CATSPERD: variants seen among roughly 807,000 people sequenced by gnomAD.
CATSPERD encodes cation channel sperm-associated auxiliary subunit delta.
Under a neutral mutation model 98.1 loss-of-function variants are expected in CATSPERD, and 86 were observed. The ratio of observed to expected loss-of-function variants is 0.88; its 90% CI spans 0.74 to 1.05. CATSPERD has a LOEUF of 1.05. Among genes scored for constraint, CATSPERD ranks in the 50% least tolerant of loss-of-function variants. The pLI, the probability that CATSPERD is intolerant of heterozygous loss-of-function variation, is 0.00. For synonymous variants in CATSPERD, 394 were observed against 390.2 expected (o/e 1.01, Z -0.12); for missense variants, 995 against 1,005.7 (o/e 0.99, Z 0.14).
chr19:5,751,936 G>A (rs2056229531), intron 12 of CATSPERD, 113 bp downstream of exon 12: 3 of 1,029,182 alleles, frequency 2.9e-6, no homozygotes, highest in South Asian at 3.9e-5. Context: ...GCTGAGGCTG[G>A]AGGGTTGTTT....
At chr19:5,742,040 AAAAAAAAAAAGAACAAAC>A (rs930410567) in intron 7 of CATSPERD, among the ~76,000 whole-genome samples, 2 of 145,846 alleles carry the variant, frequency 1.4e-5, no homozygotes, top group Admixed American at 6.9e-5. Context: ...TGTCTCAAGG[AAAAAAAAAAAGAACAAAC>A]AAAAAAAACA....
intron 8 of CATSPERD, among the ~76,000 whole-genome samples, chr19:5,745,307 A>G (rs536824771): frequency 2.0e-5 from 3 of 152,100 alleles, no homozygotes; most frequent in Non-Finnish European, 4.4e-5. Context: ...GAGATAGTTT[A>G]CATTTTTCTG....
rs1206869896 is a variant in CATSPERD, at chr19:5,745,894, T to C, written c.658-19T>C. The C allele has an allele frequency of 2.5e-6, 4 of 1,613,528 alleles. No individual in the cohort carries two copies. The highest frequency in any genetic ancestry group is 2.2e-5 in the South Asian group (2 of 91,004). Reference sequence around the variant, plus strand: ...CAGTAGGGTTTGGGGAGAGGCTGAATGGTGTCTTTTTCTCCCAGGGCATGT... The same window carrying C: ...CAGTAGGGTTTGGGGAGAGGCTGAACGGTGTCTTTTTCTCCCAGGGCATGT... On this transcript the variant is annotated intron_variant, in intron 8 of 21. Coordinates refer to ENST00000381624, the MANE Select transcript of CATSPERD (RefSeq NM_152784.4).
chr19:5,728,356 C>CAAAAAAAAAAAAAAAAAAGAAAAAAA (rs2055648817), intron 3 of CATSPERD, among the ~76,000 whole-genome samples: 1 of 80,946 alleles, frequency 1.2e-5, no homozygotes, highest in Non-Finnish European at 2.4e-5. Context: ...GACTCTGTCT[C>CAAAAAAAAAAAAAAAAAAGAAAAAAA]AAAAAAAAAA....
intron 20 of CATSPERD, 49 bp from the exon 21 acceptor site, chr19:5,776,112 C>T: frequency 6.3e-7 from 1 of 1,590,642 alleles, no homozygotes; most frequent in Non-Finnish European, 8.6e-7. Flanking sequence ...AGGCTCAGGG[C>T]CCCCTCCCCA....
At chr19:5,736,350 A>C (rs2055845173) in intron 5 of CATSPERD, among the ~76,000 whole-genome samples, 1 of 152,230 alleles carries the variant, frequency 6.6e-6, no homozygotes, top group African/African-American at 2.4e-5. Context: ...TACAATGCAT[A>C]GGAAACTCCT....
intron 16 of CATSPERD, among the ~76,000 whole-genome samples, chr19:5,765,685 G>A (rs560683891): frequency 2.6e-5 from 4 of 151,998 alleles, no homozygotes; most frequent in East Asian, 1.9e-4. Flanking sequence ...GCTGGTAGGC[G>A]CCTGTAATCC....
rs186697676 is a variant in CATSPERD, at chr19:5,754,006, A to G, written c.1165-126A>G. The G allele has an allele frequency of 5.5e-5, 38 of 694,064 alleles. No homozygotes were observed. The East Asian group carries it at 9.4e-4, about 17-fold the overall frequency. 43.0% of individuals were successfully genotyped at this position (694,064 alleles called of 1,614,324 possible). Reference sequence around the variant, plus strand: ...CTGGAAATACAGAGTCTAGTGGGGAAGACAGAGGCACAAGTGGAGATTCAG... The same window carrying G: ...CTGGAAATACAGAGTCTAGTGGGGAGGACAGAGGCACAAGTGGAGATTCAG... On this transcript the variant is annotated intron_variant, in intron 12 of 21. Coordinates refer to ENST00000381624, the MANE Select transcript of CATSPERD (RefSeq NM_152784.4).
chr19:5,737,296 C>T, intron 6 of CATSPERD, 91 bp downstream of exon 6: 1 of 852,810 alleles, frequency 1.2e-6, no homozygotes, highest in South Asian at 1.5e-5. Flanking sequence ...CGTGGTGGCT[C>T]ATACCTGTAA....
intron 6 of CATSPERD, among the ~76,000 whole-genome samples, chr19:5,737,563 A>G (rs2055873087): frequency 2.0e-5 from 3 of 151,204 alleles, no homozygotes; most frequent in Admixed American, 2.0e-4. Context: ...AAAAAAAAAA[A>G]AAAAGACTGG....
chr19:5,739,030 A>C (rs1446812804), intron 6 of CATSPERD, among the ~76,000 whole-genome samples: 1 of 151,012 alleles, frequency 6.6e-6, no homozygotes, highest in East Asian at 1.9e-4. Flanking sequence ...GCCCAGCCTA[A>C]CTTTGGTATT....
At chr19:5,739,674 A>T (rs28549773) in intron 7 of CATSPERD, among the ~76,000 whole-genome samples, 1 of 151,066 alleles carries the variant, frequency 6.6e-6, no homozygotes. Flanking sequence ...TCTACAAAAA[A>T]TAAAAAAAAT....
chr19:5,762,126 TGATCACTG>T (rs1416151048), intron 15 of CATSPERD, among the ~76,000 whole-genome samples: 2 of 140,136 alleles, frequency 1.4e-5, no homozygotes, highest in East Asian at 4.2e-4. Context: ...TGCAGTGGTG[TGATCACTG>T]GTCACTGCAA....
chr19:5,770,936 T>G lies in CATSPERD; in HGVS notation c.1635-8T>G. On this transcript the variant is annotated splice_polypyrimidine_tract_variant and splice_region_variant and intron_variant, in intron 18 of 21. Coordinates refer to ENST00000381624, the MANE Select transcript of CATSPERD (RefSeq NM_152784.4). ...GACTCCCCATCTCTGCTTCTTGGTG[T>G]CTTGAAGGGAATTCTACGACCCCGG... The G allele has an allele frequency of 6.3e-7, 1 of 1,598,880 alleles. No homozygotes were observed. The highest frequency in any genetic ancestry group is 1.8e-5 in the Admixed American group (1 of 56,734).
chr19:5,746,324 A>C (rs2056092907), intron 9 of CATSPERD, among the ~76,000 whole-genome samples: 1 of 152,210 alleles, frequency 6.6e-6, no homozygotes, highest in African/African-American at 2.4e-5. Context: ...AGTCTCCGTC[A>C]TGGAGGTTTA....
At chr19:5,768,341 T>TTTATTTATTA in intron 18 of CATSPERD, 99 bp downstream of exon 18, 1 of 741,524 alleles carries the variant, frequency 1.3e-6, no homozygotes, top group South Asian at 2.9e-5. Flanking sequence ...TATTTATTTA[T>TTTATTTATTA]TTATTATTAT....
intron 3 of CATSPERD, among the ~76,000 whole-genome samples, chr19:5,728,082 AG>A (rs1190602579): frequency 2.0e-5 from 3 of 149,546 alleles, no homozygotes; most frequent in Non-Finnish European, 4.4e-5. Flanking sequence ...GGGGTGGGCC[AG>A]GCGCAGTGGC....
intron 15 of CATSPERD, among the ~76,000 whole-genome samples, chr19:5,759,897 GA>G (rs1378307804): frequency 6.6e-6 from 1 of 151,620 alleles, no homozygotes; most frequent in East Asian, 1.9e-4. Flanking sequence ...CCAACATGGT[GA>G]AACCCCCATC....
At chr19:5,738,397 T>C (rs1349981082) in intron 6 of CATSPERD, among the ~76,000 whole-genome samples, 2 of 147,926 alleles carry the variant, frequency 1.4e-5, no homozygotes, top group South Asian at 4.2e-4. Flanking sequence ...CTAGATATGG[T>C]GGTGAGCACC....
Sources: gnomAD v4.1 joint callset for allele counts (sites outside exome capture counted in the v4.1 genomes callset) on GRCh38, gnomAD v4.1.1 for gene constraint, MANE v1.5 for transcripts, NCBI Gene and HGNC (gene_info 2026-07-23, HGNC 2026-07-21) for gene names.